C4orf36: variants seen among roughly 807,000 people sequenced by gnomAD.
C4orf36 encodes the protein chromosome 4 open reading frame 36, also known as uncharacterized protein C4orf36.
Under a neutral mutation model 12.2 loss-of-function variants are expected in C4orf36, and 11 were observed. The observed-to-expected ratio is 0.90, with a 90% CI of 0.57 to 1.49. The LOEUF is 1.49. Ranked by LOEUF, C4orf36 falls within the 40% of genes most tolerant of loss-of-function variation. The pLI, the probability that C4orf36 is intolerant of heterozygous loss-of-function variation, is 0.00. For missense variants in C4orf36, 137 were observed against 133.9 expected (o/e 1.02, Z -0.11); for synonymous variants, 54 against 51.3 (o/e 1.05, Z -0.22).
intron 4 of C4orf36, among the ~76,000 whole-genome samples, chr4:86,885,960 G>A (rs183466706): frequency 6.6e-6 from 1 of 152,312 alleles, no homozygotes; most frequent in East Asian, 1.9e-4. Context: ...AGATAATCAT[G>A]TGGTTTTTGT....
chr4:86,884,733 T>A (rs1179104501), intron 4 of C4orf36, among the ~76,000 whole-genome samples: 25 of 152,218 alleles, frequency 1.6e-4, no homozygotes, highest in Non-Finnish European at 1.5e-5. Context: ...ATTTTGGCTT[T>A]TGTTGCCATC....
the C4orf36 span, among the ~76,000 whole-genome samples, chr4:86,929,119 C>A: frequency 3.3e-5 from 5 of 152,158 alleles, no homozygotes; most frequent in Non-Finnish European, 7.3e-5. Context: ...TCTGTCGCTG[C>A]ATAACAAATT....
chr4:86,927,337 A>C, the C4orf36 span, among the ~76,000 whole-genome samples: 3 of 152,160 alleles, frequency 2.0e-5, no homozygotes, highest in Non-Finnish European at 4.4e-5. Flanking sequence ...AGATCCAGTC[A>C]TGTGTTTTTG....
chr4:86,917,642 G>A, the C4orf36 span, among the ~76,000 whole-genome samples: 2 of 151,450 alleles, frequency 1.3e-5, no homozygotes. Flanking sequence ...GAGAAAGGAA[G>A]GAGGAAGGAA....
the C4orf36 span, among the ~76,000 whole-genome samples, chr4:86,921,201 T>C: frequency 6.6e-6 from 1 of 151,784 alleles, no homozygotes; most frequent in South Asian, 2.1e-4. Context: ...ATACAAACTT[T>C]GGAGGACAAA....
the C4orf36 span, chr4:86,924,509 A>AT: frequency 1.3e-5 from 2 of 152,086 alleles, no homozygotes; most frequent in African/African-American, 2.4e-5. Flanking sequence ...GCCATGGCTA[A>AT]TTTTTTTATT....
upstream of C4orf36, among the ~76,000 whole-genome samples, chr4:86,895,126 C>T (rs1578783511): frequency 2.0e-5 from 3 of 151,874 alleles, no homozygotes; most frequent in East Asian, 5.8e-4. Flanking sequence ...AGCCTGGGCA[C>T]CATAGTGAGA....
the C4orf36 span, chr4:86,914,038 GATGGCA>G: frequency 6.2e-7 from 1 of 1,610,178 alleles, no homozygotes; most frequent in Non-Finnish European, 8.5e-7. Flanking sequence ...ACGTCGTTGG[GATGGCA>G]ATCCAAGCTG....
the C4orf36 span, among the ~76,000 whole-genome samples, chr4:86,897,975 A>G: frequency 6.6e-6 from 1 of 152,240 alleles, no homozygotes; most frequent in Non-Finnish European, 1.5e-5. Context: ...ACATATCTTA[A>G]TACATGAGAC....
chr4:86,900,243 G>C, the C4orf36 span, among the ~76,000 whole-genome samples: 2 of 152,064 alleles, frequency 1.3e-5, no homozygotes, highest in Non-Finnish European at 2.9e-5. Context: ...ATGTTGGCCA[G>C]GCTGGTCTTG....
intron 4 of C4orf36, among the ~76,000 whole-genome samples, chr4:86,876,958 G>T (rs1156841985): frequency 6.6e-6 from 1 of 152,078 alleles, no homozygotes; most frequent in African/African-American, 2.4e-5. Flanking sequence ...CAGTAGATTT[G>T]CGGACTTTAG....
At chr4:86,914,364 A>AC in the C4orf36 span, 32 of 825,436 alleles carry the variant, frequency 3.9e-5, no homozygotes, top group Non-Finnish European at 4.7e-5. Flanking sequence ...ATGAGCTTTC[A>AC]CCCCCCGGCT....
the C4orf36 span, among the ~76,000 whole-genome samples, chr4:86,898,735 G>C: frequency 6.6e-6 from 1 of 152,138 alleles, no homozygotes; most frequent in South Asian, 2.1e-4. Context: ...TTTGAGCCCA[G>C]GAGTTCCAGG....
chr4:86,898,085 T>C, the C4orf36 span, among the ~76,000 whole-genome samples: 1 of 152,218 alleles, frequency 6.6e-6, no homozygotes, highest in Non-Finnish European at 1.5e-5. Flanking sequence ...TGACTTATAA[T>C]GTTGCTTTAA....
the C4orf36 span, among the ~76,000 whole-genome samples, chr4:86,928,845 C>T: frequency 6.6e-6 from 1 of 152,114 alleles, no homozygotes; most frequent in South Asian, 2.1e-4. Context: ...CCCGTTTGAT[C>T]ACACACATTT....
At chr4:86,891,235 C>A (rs921828647) in intron 2 of C4orf36, among the ~76,000 whole-genome samples, 4 of 145,668 alleles carry the variant, frequency 2.7e-5, no homozygotes, top group African/African-American at 1.0e-4. Context: ...AGTTTTCTCA[C>A]TTGAAAGTGT....
At chr4:86,917,785 C>G in the C4orf36 span, among the ~76,000 whole-genome samples, 7 of 152,218 alleles carry the variant, frequency 4.6e-5, no homozygotes, top group African/African-American at 1.7e-4. Flanking sequence ...GCCTCCTACG[C>G]CCCTAGGCCA....
chr4:86,914,038 G>A, the C4orf36 span: 1 of 1,610,178 alleles, frequency 6.2e-7, no homozygotes, highest in Non-Finnish European at 8.5e-7. Context: ...ACGTCGTTGG[G>A]ATGGCAATCC....
chr4:86,935,231 G>A, the C4orf36 span: 1 of 152,336 alleles, frequency 6.6e-6, no homozygotes, highest in Admixed American at 6.5e-5. Flanking sequence ...AGGACGGAAG[G>A]GTCTGGAAGG....
Sources: allele counts gnomAD v4.1 joint callset (sites outside exome capture counted in the v4.1 genomes callset), GRCh38; gene constraint gnomAD v4.1.1; transcripts MANE v1.5; gene names NCBI Gene and HGNC (gene_info 2026-07-23, HGNC 2026-07-21).